FAM228B: variants seen among roughly 807,000 people sequenced by gnomAD.
FAM228B encodes the protein family with sequence similarity 228 member B.
FAM228B carries 38 observed loss-of-function variants against 42.6 expected under a neutral mutation model. That is an observed-to-expected ratio of 0.89 (90% CI 0.69 to 1.17). The LOEUF (loss-of-function observed/expected upper bound fraction) is 1.17. Among genes scored for constraint, FAM228B ranks in the 50% most tolerant of loss-of-function variants. The probability of loss-of-function intolerance (pLI) is 0.00; values close to 1 mark genes in which losing one functional copy is unlikely to be tolerated. For missense variants in FAM228B, 344 were observed against 367.3 expected, an observed-to-expected ratio of 0.94 and a Z score of 0.52; for synonymous variants, 109 against 122.3, an observed-to-expected ratio of 0.89 and a Z score of 0.72.
upstream of FAM228B, chr2:24,123,279 A>C (rs1330340338): frequency 6.6e-6 from 1 of 152,096 alleles, no homozygotes; most frequent in Non-Finnish European, 1.5e-5. Context: ...GGACCCGGCG[A>C]CCAAGGACCC....
In FAM228B at chr2:24,084,128, G is replaced by C. The variant is rs766577650; in HGVS notation, c.-210+3173G>C. ...TTCACGTCTGGTCAATGTCCACTGA[G>C]TGCTGTTGAGAGGGAGGCTCTGGAG... On this transcript the variant is annotated intron_variant, in intron 2 of 10. Transcript: ENST00000613899. The surrounding 1 kb of genome is among the most constrained non-coding windows in gnomAD (Gnocchi z 8.4). 1.3e-6 allele frequency: 2 copies of C among 1,556,966 alleles called. No homozygotes were observed.
At position 24,097,197 on chromosome 2, in the gene FAM228B, C is replaced by G. The variant is rs558146321; in HGVS notation, c.-121+1968C>G. On this transcript the variant is annotated intron_variant, in intron 3 of 10. Coordinates refer to the FAM228B transcript ENST00000613899. ...TGCCAAATTGTAAAGACCATCGATG[C>G]TATGAAGAAACTGCATGAATTAACG... The G allele has an allele frequency of 3.9e-5, 6 of 152,200 alleles. No homozygotes were observed. The South Asian group carries it at 8.3e-4, about 21-fold the overall frequency. 9.4% of individuals were successfully genotyped at this position (152,200 alleles called of 1,614,324 possible). A position where few individuals can be genotyped will look rare whatever the true frequency, so the allele number is the denominator to read the frequency against.
chr2:24,164,960 G>C (rs548325714), intron 9 of FAM228B, among the ~76,000 whole-genome samples: 22 of 151,794 alleles, frequency 1.4e-4, no homozygotes, highest in African/African-American at 5.1e-4. Flanking sequence ...AAAGGATCCC[G>C]GGAAAAAACT....
chr2:24,093,196 C>T (rs1294311169), intron 2 of FAM228B, among the ~76,000 whole-genome samples: 1 of 152,110 alleles, frequency 6.6e-6, no homozygotes, highest in Non-Finnish European at 1.5e-5. Context: ...AGGTTTGTTA[C>T]GTAGGCATAC....
chr2:24,082,983 T>G (rs776785828), intron 2 of FAM228B: 1 of 1,614,160 alleles, frequency 6.2e-7, no homozygotes, highest in Admixed American at 1.7e-5. Context: ...GAGGAGCCCT[T>G]CGGGGACAGT....
At chr2:24,083,089 G>A in intron 2 of FAM228B, 1 of 1,614,146 alleles carries the variant, frequency 6.2e-7, no homozygotes, top group Non-Finnish European at 8.5e-7. Flanking sequence ...TCTGCCACAT[G>A]TCCAGATGCC....
At position 24,155,504 on chromosome 2, in the gene FAM228B, CAT is replaced by C. The variant is rs1156603467; in HGVS notation, c.687-5975_687-5974del. Among the ~76,000 whole-genome samples the C allele has an allele frequency of 2.0e-3, 71 of 35,900 alleles. 1 individual carries two copies. Among genetic ancestry groups the C allele is most frequent in the African/African-American group, 3.5e-3 (35 of 9,900 alleles). 23.6% of individuals were successfully genotyped at this position (35,900 alleles called of 152,430 possible). On this transcript the variant is annotated intron_variant, in intron 7 of 10. Coordinates refer to ENST00000615575, the MANE Select transcript of FAM228B (RefSeq NM_001145710.2). ...GTGCCAGAAGTCATTGAAGACCATG[CAT>C]ATATATATATATATATATATATATA...
Position 24,104,000 on chromosome 2 carries a change from G to A in FAM228B, c.-121+8771G>A, listed in dbSNP as rs1159011011. Among the ~76,000 whole-genome samples, 15 of 152,334 alleles carry A rather than the reference G, an allele frequency of 9.8e-5. No individual in the cohort carries two copies. The South Asian group carries it at 1.7e-3, about 17-fold the overall frequency. On this transcript the variant is annotated intron_variant, in intron 3 of 10. Transcript: ENST00000613899. ...GGACTAGAGGCAGCTCATGTGTGCT[G>A]CTGTTTTGGAGAAGAAACAAAAGGA...
chr2:24,080,727 A>ACTGATACACAGCACTGGCAAC lies in FAM228B; in HGVS notation c.-289-148_-289-128dup. The ACTGATACACAGCACTGGCAAC allele has an allele frequency of 2.0e-6, 3 of 1,501,548 alleles. No homozygotes were observed. The highest frequency in any genetic ancestry group is 2.8e-6 in the Non-Finnish European group (3 of 1,085,528). 93.0% of individuals were successfully genotyped at this position (1,501,548 alleles called of 1,614,324 possible). On this transcript the variant is annotated intron_variant, in intron 1 of 10. Transcript: ENST00000613899. The surrounding 1 kb of genome is among the most constrained non-coding windows in gnomAD (Gnocchi z 4.7). Reference sequence around the variant, plus strand: ...CTGTTGTGCACTTAGCAGAGGTAAGACTGATACACAGCACTGGCAACTTTG... The same window carrying ACTGATACACAGCACTGGCAAC: ...CTGTTGTGCACTTAGCAGAGGTAAGACTGATACACAGCACTGGCAACCTGATACACAGCACTGGCAACTTTG...
chr2:24,084,390 A>AAAGGGCAGGGCAGGG lies in FAM228B; in HGVS notation c.-210+3435_-210+3436insAAGGGCAGGGCAGGG, dbSNP rs796299596. On this transcript the variant is annotated intron_variant, in intron 2 of 10. Transcript: ENST00000613899. The surrounding 1 kb of genome is among the most constrained non-coding windows in gnomAD (Gnocchi z 8.4). ...ACAGGGCAGGGCAGGGCAGGACAGG[A>AAAGGGCAGGGCAGGG]CAGGGCAGGGCAGGACAGGACAGGG... 3 of 1,159,846 alleles carry AAAGGGCAGGGCAGGG rather than the reference A, an allele frequency of 2.6e-6. No individual in the cohort carries two copies. The highest frequency in any genetic ancestry group is 3.6e-6 in the Non-Finnish European group (3 of 825,658). The allele number at this position is 1,159,846 out of a possible 1,614,324, so 71.8% of individuals were successfully genotyped here.
intron 2 of FAM228B, among the ~76,000 whole-genome samples, chr2:24,094,029 CTT>C (rs57620033): frequency 0.018 from 1,418 of 77,232 alleles, 18 homozygotes; most frequent in Non-Finnish European, 0.026. Flanking sequence ...TCGCCACATA[CTT>C]TTTTTTTTTT....
chr2:24,093,197 G>A (rs111514227), intron 2 of FAM228B, among the ~76,000 whole-genome samples: 4,442 of 151,986 alleles, frequency 0.029, 84 homozygotes, highest in Non-Finnish European at 0.046. Flanking sequence ...GGTTTGTTAC[G>A]TAGGCATACA....
In FAM228B at chr2:24,080,536, G is replaced by T. The variant is rs1029329267; in HGVS notation, c.-289-340G>T. Reference sequence around the variant, plus strand: ...CTGTTAACTAAGTGTGGAATGGCTGGTTGGGAAGAAAAGGTGCTGGATAAT... The same window carrying T: ...CTGTTAACTAAGTGTGGAATGGCTGTTTGGGAAGAAAAGGTGCTGGATAAT... On this transcript the variant is annotated intron_variant, in intron 1 of 10. Coordinates refer to the FAM228B transcript ENST00000613899. The surrounding 1 kb of genome is among the most constrained non-coding windows in gnomAD (Gnocchi z 4.7). Among the ~76,000 whole-genome samples the T allele has an allele frequency of 4.6e-5, 7 of 152,218 alleles. No homozygotes were observed. Among genetic ancestry groups the T allele is most frequent in the Non-Finnish European group, 1.0e-4 (7 of 68,044 alleles).
intron 3 of FAM228B, chr2:24,115,669 AT>A: frequency 6.4e-7 from 1 of 1,551,708 alleles, no homozygotes; most frequent in South Asian, 1.1e-5. Flanking sequence ...ACTACAAATG[AT>A]TCATTCATCC....
chr2:24,128,167 C>A (rs555884913), intron 2 of FAM228B, among the ~76,000 whole-genome samples: 151 of 152,284 alleles, frequency 9.9e-4, no homozygotes, highest in Non-Finnish European at 1.9e-3. Context: ...TGCTAATAAA[C>A]CTACCTAGCA....
Position 24,084,390 on chromosome 2 carries a change from A to ACAGGGCAGGG in FAM228B, c.-210+3440_-210+3449dup, listed in dbSNP as rs3030953. 0.14 allele frequency: 162,224 copies of ACAGGGCAGGG among 1,155,016 alleles called. 12,740 individuals carry two copies. Among genetic ancestry groups the ACAGGGCAGGG allele is most frequent in the South Asian group, 0.17 (11,330 of 64,776 alleles). The allele number at this position is 1,155,016 out of a possible 1,614,324, so 71.5% of individuals were successfully genotyped here. On this transcript the variant is annotated intron_variant, in intron 2 of 10. Coordinates refer to the FAM228B transcript ENST00000613899. This position sits in a 1 kb window ranked among gnomAD's most constrained non-coding sequence, Gnocchi z 8.4. ...ACAGGGCAGGGCAGGGCAGGACAGG[A>ACAGGGCAGGG]CAGGGCAGGGCAGGACAGGACAGGG...
chr2:24,148,313 C>T (rs909459683), intron 7 of FAM228B, among the ~76,000 whole-genome samples: 3 of 152,202 alleles, frequency 2.0e-5, no homozygotes, highest in African/African-American at 7.2e-5. Context: ...ACCACTGTTG[C>T]ATGTTGCTTA....
intron 7 of FAM228B, among the ~76,000 whole-genome samples, chr2:24,155,531 ATTTTTTTTTTT>A (rs70944720): frequency 7.7e-4 from 10 of 13,042 alleles, no homozygotes; most frequent in African/African-American, 1.7e-3. Flanking sequence ...ATATATATAT[ATTTTTTTTTTT>A]TTTTTTTTTT....
In FAM228B at chr2:24,084,488, C is replaced by G; in HGVS notation, c.-210+3533C>G. On this transcript the variant is annotated intron_variant, in intron 2 of 10. Coordinates refer to the FAM228B transcript ENST00000613899. This position sits in a 1 kb window ranked among gnomAD's most constrained non-coding sequence, Gnocchi z 8.4. ...CGCAGCGCCCCCTGCCGGCCAGCGCCTCGCTGCCCTGGTCTGCCGCGGACC... is the reference window on the plus strand; with the variant it reads ...CGCAGCGCCCCCTGCCGGCCAGCGCGTCGCTGCCCTGGTCTGCCGCGGACC... 1 of 972,042 alleles carries G rather than the reference C, an allele frequency of 1.0e-6. No homozygotes were observed. Among genetic ancestry groups the G allele is most frequent in the Non-Finnish European group, 1.4e-6 (1 of 704,742 alleles). The allele number at this position is 972,042 out of a possible 1,614,324, so 60.2% of individuals were successfully genotyped here.
Sources: allele counts gnomAD v4.1 joint callset (sites outside exome capture counted in the v4.1 genomes callset), GRCh38; gene constraint gnomAD v4.1.1; non-coding constraint Gnocchi (gnomAD v3.1); transcripts MANE v1.5; gene names NCBI Gene and HGNC (gene_info 2026-07-23, HGNC 2026-07-21).